The following HS3ST4 variants were observed in gnomAD, a reference collection of about 807,000 sequenced individuals.
HS3ST4 encodes the protein heparan sulfate glucosamine 3-O-sulfotransferase 4.
HS3ST4 carries 17 observed loss-of-function variants against 29.2 expected under a neutral mutation model. That is an observed-to-expected ratio of 0.58 (90% CI 0.40 to 0.87). HS3ST4 has a LOEUF of 0.87. Among genes scored for constraint, HS3ST4 ranks in the 40% least tolerant of loss-of-function variants. The pLI, the probability that HS3ST4 is intolerant of heterozygous loss-of-function variation, is 0.00. For missense variants in HS3ST4, 627 were observed against 634.5 expected (o/e 0.99, Z 0.13); for synonymous variants, 314 against 285.7 (o/e 1.10, Z -1.00).
At chr16:26,021,889 C>T (rs1021182183) in intron 1 of HS3ST4, among the ~76,000 whole-genome samples, 1 of 152,004 alleles carries the variant, frequency 6.6e-6, no homozygotes, top group Non-Finnish European at 1.5e-5. Flanking sequence ...GTATTGATCT[C>T]CTGACCTCGT....
intron 1 of HS3ST4, among the ~76,000 whole-genome samples, chr16:26,107,311 A>G (rs116788072): frequency 0.041 from 6,277 of 151,560 alleles, 357 homozygotes; most frequent in African/African-American, 0.13. Flanking sequence ...GTGTGTGTGT[A>G]TATATATATA....
rs933705891 is a variant in HS3ST4 at position 26,019,530 on chromosome 16, T to C, written c.735-116082T>C. Among the ~76,000 whole-genome samples the C allele has an allele frequency of 2.0e-5, 3 of 152,208 alleles. No individual in the cohort carries two copies. In the East Asian group the frequency reaches 5.8e-4, roughly 29 times the overall value. On this transcript the variant is annotated intron_variant, in intron 1 of 1. Transcript: ENST00000331351. ...GCAATCAGAGTAAGAGGGCTGGCTG[T>C]ACTAATTGCCTTCATTATAAGAACA... is the stretch of plus-strand genomic sequence containing the variant.
intron 1 of HS3ST4, among the ~76,000 whole-genome samples, chr16:25,989,709 C>CT (rs1317615682): frequency 6.6e-6 from 1 of 152,158 alleles, no homozygotes; most frequent in Non-Finnish European, 1.5e-5. Flanking sequence ...TTTTAATTTC[C>CT]TTTTGTTTGT....
intron 1 of HS3ST4, among the ~76,000 whole-genome samples, chr16:25,877,560 A>T (rs1967845499): frequency 6.6e-6 from 1 of 152,146 alleles, no homozygotes; most frequent in South Asian, 2.1e-4. Context: ...GATTGGCACG[A>T]TGTACCTGCA....
At chr16:25,747,576 A>G (rs1966692785) in intron 1 of HS3ST4, among the ~76,000 whole-genome samples, 2 of 152,198 alleles carry the variant, frequency 1.3e-5, no homozygotes, top group African/African-American at 4.8e-5. Flanking sequence ...GGCAGATGTT[A>G]TTTTTGTTCC....
intron 1 of HS3ST4, among the ~76,000 whole-genome samples, chr16:26,002,214 C>G (rs1383500206): frequency 2.6e-5 from 4 of 152,082 alleles, no homozygotes; most frequent in Non-Finnish European, 5.9e-5. Flanking sequence ...AGTCAAATCT[C>G]CCTATGAAAT....
rs1349028432 is a variant in HS3ST4, at chr16:26,036,753, T to C, written c.735-98859T>C. On this transcript the variant is annotated intron_variant, in intron 1 of 1. Coordinates refer to ENST00000331351, the MANE Select transcript of HS3ST4 (RefSeq NM_006040.3). ...GGTGCTCAAATGTGGCATATAAAATTCTTTGTAACATAATCTGTATCTTGG... is the reference window on the plus strand; with the variant it reads ...GGTGCTCAAATGTGGCATATAAAATCCTTTGTAACATAATCTGTATCTTGG... 1.3e-5 allele frequency among the ~76,000 whole-genome samples: 2 copies of C among 152,222 alleles called. 1 individual carries two copies. The highest frequency in any genetic ancestry group is 1.3e-4 in the Admixed American group (2 of 15,288).
chr16:25,986,344 C>G (rs1432780363), intron 1 of HS3ST4, among the ~76,000 whole-genome samples: 1 of 152,226 alleles, frequency 6.6e-6, no homozygotes, highest in Admixed American at 6.5e-5. Context: ...TGCAACACTT[C>G]TATTAGGTTG....
At chr16:25,961,394 A>G (rs1319367312) in intron 1 of HS3ST4, among the ~76,000 whole-genome samples, 2 of 152,204 alleles carry the variant, frequency 1.3e-5, no homozygotes, top group African/African-American at 4.8e-5. Context: ...CATGCCTTTT[A>G]TGCATTTCCA....
intron 1 of HS3ST4, among the ~76,000 whole-genome samples, chr16:25,777,745 G>A (rs556412300): frequency 6.6e-6 from 1 of 152,300 alleles, no homozygotes; most frequent in South Asian, 2.1e-4. Context: ...TCCAGCCTGG[G>A]CGACAGAGTG....
chr16:25,974,427 G>T (rs970439790), intron 1 of HS3ST4, among the ~76,000 whole-genome samples: 2 of 152,124 alleles, frequency 1.3e-5, no homozygotes, highest in East Asian at 1.9e-4. Flanking sequence ...TTTGAAAATT[G>T]TGTTGAAATT....
At chr16:25,824,310 C>T (rs1208414977) in intron 1 of HS3ST4, among the ~76,000 whole-genome samples, 1 of 152,232 alleles carries the variant, frequency 6.6e-6, no homozygotes, top group African/African-American at 2.4e-5. Context: ...ATTGCCAGCA[C>T]AGCACTCTCC....
chr16:25,775,805 C>T (rs568953801), intron 1 of HS3ST4, among the ~76,000 whole-genome samples: 1 of 152,318 alleles, frequency 6.6e-6, no homozygotes, highest in South Asian at 2.1e-4. Flanking sequence ...CTCTTCTCTG[C>T]TGTGACTGTG....
Position 25,918,754 on chromosome 16 carries a change from G to A in HS3ST4, c.735-216858G>A, listed in dbSNP as rs866002076. On this transcript the variant is annotated intron_variant, in intron 1 of 1. Coordinates refer to ENST00000331351, the MANE Select transcript of HS3ST4 (RefSeq NM_006040.3). ...TGGGAGGCACAGGTTGCAGTGAGCCGAGATTGTGCCACTGCACTCCAGGCT... is the reference window on the plus strand; with the variant it reads ...TGGGAGGCACAGGTTGCAGTGAGCCAAGATTGTGCCACTGCACTCCAGGCT... 4.6e-5 allele frequency among the ~76,000 whole-genome samples: 7 copies of A among 152,180 alleles called. No individual in the cohort carries two copies. In the South Asian group the frequency reaches 6.2e-4, roughly 13 times the overall value.
intron 1 of HS3ST4, among the ~76,000 whole-genome samples, chr16:25,830,023 G>C (rs1232853662): frequency 3.3e-5 from 5 of 151,850 alleles, no homozygotes. Flanking sequence ...CGTGGTTTCG[G>C]CATGTTGCCC....
At chr16:25,840,974 GTTTATTTATTTA>G (rs201567916) in intron 1 of HS3ST4, among the ~76,000 whole-genome samples, 760 of 51,974 alleles carry the variant, frequency 0.015, 2 homozygotes, top group South Asian at 0.035. Context: ...ATATTTGTTT[GTTTATTTATTTA>G]TTTATTTATT....
At chr16:26,058,049 G>T (rs1477992555) in intron 1 of HS3ST4, among the ~76,000 whole-genome samples, 2 of 152,158 alleles carry the variant, frequency 1.3e-5, no homozygotes, top group Non-Finnish European at 2.9e-5. Flanking sequence ...TCCTGATGGA[G>T]GAGTCAGATT....
chr16:25,909,204 T>C (rs1968210966), intron 1 of HS3ST4, among the ~76,000 whole-genome samples: 1 of 152,202 alleles, frequency 6.6e-6, no homozygotes, highest in Non-Finnish European at 1.5e-5. Context: ...TTTTCTTTTT[T>C]TCGAGATGGG....
chr16:26,047,230 C>T (rs1433541766), intron 1 of HS3ST4, among the ~76,000 whole-genome samples: 1 of 152,192 alleles, frequency 6.6e-6, no homozygotes, highest in Non-Finnish European at 1.5e-5. Flanking sequence ...CTCTGGCTGG[C>T]ACAGGGTACT....
Sources: allele counts gnomAD v4.1 joint callset (sites outside exome capture counted in the v4.1 genomes callset), GRCh38; gene constraint gnomAD v4.1.1; transcripts MANE v1.5; gene names NCBI Gene and HGNC (gene_info 2026-07-23, HGNC 2026-07-21).